The following CCDC192 variants were observed in gnomAD, a reference collection of about 807,000 sequenced individuals.
The protein encoded by CCDC192 is coiled-coil domain-containing protein 192.
chr5:127,866,967 C>T (rs560881688), intron 5 of CCDC192, among the ~76,000 whole-genome samples: 1 of 152,242 alleles, frequency 6.6e-6, no homozygotes, highest in African/African-American at 2.4e-5. Flanking sequence ...TGATAATTTT[C>T]CTTTTCTCTA....
intron 6 of CCDC192, among the ~76,000 whole-genome samples, chr5:127,918,735 A>C (rs761678629): frequency 3.0e-4 from 46 of 152,266 alleles, no homozygotes; most frequent in Admixed American, 2.6e-3. Context: ...CGTTTGGTTG[A>C]ATGTATTATT....
intron 3 of CCDC192, among the ~76,000 whole-genome samples, chr5:127,760,567 G>A (rs1305479077): frequency 6.6e-6 from 1 of 151,750 alleles, no homozygotes; most frequent in African/African-American, 2.4e-5. Context: ...CCCTTGTCCT[G>A]TGTTCTCCAA....
chr5:127,835,255 G>A (rs962053278), intron 5 of CCDC192, among the ~76,000 whole-genome samples: 1 of 152,080 alleles, frequency 6.6e-6, no homozygotes, highest in Admixed American at 6.6e-5. Context: ...GATAAAATTG[G>A]TTCAGTTTAC....
chr5:127,888,221 GC>G (rs1212616998), intron 6 of CCDC192, among the ~76,000 whole-genome samples: 1 of 151,846 alleles, frequency 6.6e-6, no homozygotes, highest in East Asian at 1.9e-4. Flanking sequence ...TTCGAAACCA[GC>G]CTGGCAAACA....
At chr5:127,919,434 A>ACT (rs1753643079) in intron 6 of CCDC192, among the ~76,000 whole-genome samples, 1 of 124,948 alleles carries the variant, frequency 8.0e-6, no homozygotes, top group Non-Finnish European at 1.6e-5. Flanking sequence ...TACGAAAAAA[A>ACT]ACTTCCAGAA....
At chr5:127,779,436 C>T (rs1756059164) in intron 3 of CCDC192, among the ~76,000 whole-genome samples, 1 of 152,034 alleles carries the variant, frequency 6.6e-6, no homozygotes, top group African/African-American at 2.4e-5. Context: ...GCTGGGACTA[C>T]AGGTGCCCGC....
intron 2 of CCDC192, among the ~76,000 whole-genome samples, chr5:127,716,218 C>G (rs371151838): frequency 2.6e-5 from 4 of 152,096 alleles, no homozygotes; most frequent in African/African-American, 9.7e-5. Flanking sequence ...TTGAACTCTC[C>G]TTGTATCCCT....
chr5:127,935,720 A>T (rs1157901479), intron 6 of CCDC192: 1 of 152,154 alleles, frequency 6.6e-6, no homozygotes, highest in Non-Finnish European at 1.5e-5. Flanking sequence ...TGATCACAAA[A>T]TTCAGATTTT....
intron 2 of CCDC192, among the ~76,000 whole-genome samples, chr5:127,752,618 C>T (rs1240522079): frequency 6.6e-6 from 1 of 152,230 alleles, no homozygotes; most frequent in Non-Finnish European, 1.5e-5. Context: ...AGGCAGGCCT[C>T]CTTGAGCTGT....
chr5:127,759,130 A>G (rs984501574), intron 3 of CCDC192, among the ~76,000 whole-genome samples: 1 of 151,820 alleles, frequency 6.6e-6, no homozygotes, highest in African/African-American at 2.4e-5. Flanking sequence ...TGGGCAATTC[A>G]CTTTGTCTCC....
chr5:127,761,654 C>T (rs1392991398), intron 3 of CCDC192, among the ~76,000 whole-genome samples: 1 of 152,120 alleles, frequency 6.6e-6, no homozygotes, highest in African/African-American at 2.4e-5. Flanking sequence ...TCTTGGGGCT[C>T]AGGTTTTCTC....
intron 3 of CCDC192, among the ~76,000 whole-genome samples, chr5:127,764,640 G>A (rs949916034): frequency 6.6e-6 from 1 of 151,936 alleles, no homozygotes; most frequent in Non-Finnish European, 1.5e-5. Context: ...TAACTCTGGG[G>A]TGTCTAATCT....
At chr5:127,759,307 C>T (rs1363379906) in intron 3 of CCDC192, among the ~76,000 whole-genome samples, 1 of 152,154 alleles carries the variant, frequency 6.6e-6, no homozygotes, top group African/African-American at 2.4e-5. Context: ...TATATTGAAA[C>T]CTAATCCACA....
Position 127,719,524 on chromosome 5 carries a change from T to TATATATATATATACAC in CCDC192, c.114+11765_114+11766insTATATATATATACACA, listed in dbSNP as rs1561444898. 3.6e-3 allele frequency among the ~76,000 whole-genome samples: 313 copies of TATATATATATATACAC among 88,162 alleles called. 12 individuals are homozygous for TATATATATATATACAC. Among genetic ancestry groups the TATATATATATATACAC allele is most frequent in the Admixed American group, 0.028 (246 of 8,744 alleles). 57.8% of individuals were successfully genotyped at this position (88,162 alleles called of 152,430 possible). A position where few individuals can be genotyped will look rare whatever the true frequency, so the allele number is the denominator to read the frequency against. ...ACACATACATATATATATATATATA[T>TATATATATATATACAC]ACACACATACATATATATATATATA... On this transcript the variant is annotated intron_variant, in intron 2 of 6. Transcript: ENST00000514853.
At chr5:127,839,838 T>A (rs561272330) in intron 5 of CCDC192, among the ~76,000 whole-genome samples, 2 of 152,076 alleles carry the variant, frequency 1.3e-5, no homozygotes, top group African/African-American at 4.8e-5. Context: ...TAAGAGTTTT[T>A]AAAAATACTG....
At chr5:127,879,189 C>T (rs1479276828) in intron 6 of CCDC192, among the ~76,000 whole-genome samples, 1 of 152,032 alleles carries the variant, frequency 6.6e-6, no homozygotes, top group Non-Finnish European at 1.5e-5. Context: ...TCAAACTATA[C>T]TACAAGGCTA....
chr5:127,786,510 A>T lies in CCDC192; in HGVS notation c.223-10593A>T, dbSNP rs1580656584. The T allele has an allele frequency of 4.7e-6, 3 of 634,790 alleles. No individual in the cohort carries two copies. In the East Asian group the frequency reaches 7.9e-5, roughly 17 times the overall value. The allele number at this position is 634,790 out of a possible 1,614,324, so 39.3% of individuals were successfully genotyped here. The stretch of plus-strand genomic sequence containing the variant: ...TCCTTTTTGATCAGCTTTGAAACAG[A>T]ATTTCTTACCTGTTTATTCAGTGGC... On this transcript the variant is annotated intron_variant, in intron 3 of 6. Transcript: ENST00000514853.
chr5:127,867,763 T>A (rs1751673612), intron 5 of CCDC192, among the ~76,000 whole-genome samples: 1 of 152,232 alleles, frequency 6.6e-6, no homozygotes, highest in African/African-American at 2.4e-5. Context: ...CTCAGTTTTT[T>A]CTTTGCTATG....
At chr5:127,746,620 T>C (rs1047892576) in intron 2 of CCDC192, among the ~76,000 whole-genome samples, 3 of 152,134 alleles carry the variant, frequency 2.0e-5, no homozygotes, top group Admixed American at 1.3e-4. Context: ...GCCTTTTTTT[T>C]TTTTTTGAGA....
Sources: allele counts gnomAD v4.1 joint callset (sites outside exome capture counted in the v4.1 genomes callset), GRCh38; gene constraint gnomAD v4.1.1; transcripts MANE v1.5; gene names NCBI Gene and HGNC (gene_info 2026-07-23, HGNC 2026-07-21).